Variants in CFAP61 observed in about 807,000 individuals in gnomAD.
CFAP61 encodes the protein cilia- and flagella-associated protein 61.
Under a neutral mutation model 135.6 loss-of-function variants are expected in CFAP61, and 107 were observed. That is an observed-to-expected ratio of 0.79 (90% CI 0.67 to 0.93). The LOEUF is 0.93. CFAP61 is among the 40% of genes least tolerant of loss of function. CFAP61 has a pLI of 0.00. For missense variants in CFAP61, 1,507 were observed against 1,556.2 expected (o/e 0.97, Z 0.53); for synonymous variants, 575 against 578.5 (o/e 0.99, Z 0.09).
intron 19 of CFAP61, among the ~76,000 whole-genome samples, chr20:20,248,549 G>C (rs1239730095): frequency 6.6e-6 from 1 of 152,218 alleles, no homozygotes; most frequent in Non-Finnish European, 1.5e-5. Flanking sequence ...GCAGCCGAAA[G>C]GAAGGCAGTG....
At chr20:20,266,791 C>T (rs2052776101) in intron 21 of CFAP61, among the ~76,000 whole-genome samples, 1 of 152,104 alleles carries the variant, frequency 6.6e-6, no homozygotes, top group Admixed American at 6.5e-5. Context: ...TCTGCCGTTT[C>T]CCTGGGCAAG....
At chr20:20,055,832 G>T in intron 1 of CFAP61, 1 of 764,802 alleles carries the variant, frequency 1.3e-6, no homozygotes, top group Non-Finnish European at 2.3e-6. Context: ...GAGCTCACTG[G>T]CTAGTATATA....
intron 9 of CFAP61, among the ~76,000 whole-genome samples, chr20:20,158,712 C>G (rs754652920): frequency 6.6e-6 from 1 of 152,128 alleles, no homozygotes; most frequent in African/African-American, 2.4e-5. Flanking sequence ...TGACAAAAAT[C>G]ATATCAGTAT....
chr20:20,131,176 T>C (rs2050497714), intron 8 of CFAP61, among the ~76,000 whole-genome samples: 1 of 151,750 alleles, frequency 6.6e-6, no homozygotes, highest in Non-Finnish European at 1.5e-5. Flanking sequence ...CATATTTGAG[T>C]TCTGGGATAT....
At chr20:20,258,761 C>T (rs1456687835) in intron 20 of CFAP61, among the ~76,000 whole-genome samples, 1 of 152,174 alleles carries the variant, frequency 6.6e-6, no homozygotes, top group Admixed American at 6.5e-5. Context: ...CGGGAGAGCA[C>T]CTGACTGCCG....
chr20:20,098,930 C>G lies in CFAP61; in HGVS notation c.859+116C>G, dbSNP rs529208097. 4.9e-4 allele frequency: 458 copies of G among 931,274 alleles called. 8 individuals are homozygous for G. In the South Asian group the frequency reaches 7.9e-3, roughly 16 times the overall value. The allele number at this position is 931,274 out of a possible 1,614,324, so 57.7% of individuals were successfully genotyped here. ...TGCTTTATATTTCCTTCCCCAGTTC[C>G]CCTTAAGGAGTAGTTCCCATGGTTG... On this transcript the variant is annotated intron_variant, in intron 8 of 26. Transcript: ENST00000245957.
intron 25 of CFAP61, among the ~76,000 whole-genome samples, chr20:20,307,697 T>C (rs1413888434): frequency 2.6e-5 from 4 of 152,378 alleles, no homozygotes; most frequent in African/African-American, 9.6e-5. Flanking sequence ...ATATTGAATA[T>C]GCTTGTTTTC....
chr20:20,163,752 T>C (rs2053594249), intron 10 of CFAP61, among the ~76,000 whole-genome samples: 1 of 152,232 alleles, frequency 6.6e-6, no homozygotes, highest in South Asian at 2.1e-4. Context: ...GGTGTTTGTC[T>C]TAATGCTCTC....
intron 26 of CFAP61, among the ~76,000 whole-genome samples, chr20:20,350,203 G>A (rs1602140130): frequency 6.6e-6 from 1 of 152,224 alleles, no homozygotes; most frequent in African/African-American, 2.4e-5. Context: ...TGAAGATATG[G>A]GGAAAATGGG....
intron 18 of CFAP61, among the ~76,000 whole-genome samples, chr20:20,232,209 A>G (rs1024743307): frequency 6.6e-6 from 1 of 151,346 alleles, no homozygotes; most frequent in Non-Finnish European, 1.5e-5. Context: ...CACGGTAGAA[A>G]CTCCACAAAC....
chr20:20,066,859 T>G (rs1020839257), intron 2 of CFAP61, among the ~76,000 whole-genome samples: 1 of 152,126 alleles, frequency 6.6e-6, no homozygotes, highest in African/African-American at 2.4e-5. Flanking sequence ...GCAGGAAAAC[T>G]AATATGATTT....
intron 13 of CFAP61, among the ~76,000 whole-genome samples, chr20:20,178,060 C>G (rs147021951): frequency 6.6e-6 from 1 of 152,274 alleles, no homozygotes; most frequent in African/African-American, 2.4e-5. Context: ...CATTCTTCTT[C>G]CCTTGGGAAA....
At chr20:20,061,672 G>A (rs1257757878) in intron 2 of CFAP61, among the ~76,000 whole-genome samples, 1 of 152,180 alleles carries the variant, frequency 6.6e-6, no homozygotes, top group Non-Finnish European at 1.5e-5. Flanking sequence ...AGATAAAAGT[G>A]AAAATCACAG....
intron 9 of CFAP61, among the ~76,000 whole-genome samples, chr20:20,150,572 C>T (rs1394223454): frequency 6.6e-6 from 1 of 152,222 alleles, no homozygotes; most frequent in Non-Finnish European, 1.5e-5. Flanking sequence ...CACATGACAG[C>T]TTCACTGCTA....
At position 20,277,276 on chromosome 20, in the gene CFAP61, T is replaced by G. The variant is rs759634953; in HGVS notation, c.2614T>G (p.Ser872Ala). 14 of 1,614,078 alleles carry G rather than the reference T, an allele frequency of 8.7e-6. No individual in the cohort carries two copies. The highest frequency in any genetic ancestry group is 8.5e-7 in the Non-Finnish European group (1 of 1,180,004). The change falls in exon 22 of 27, where the codon TCC (serine) becomes GCC (alanine). Residue 872 changes from serine to alanine, a missense_variant. Transcript: ENST00000245957. ...CCACCTCGTGCAGCCCCCGCCCGCC[T>G]CCACCATCACCTGCATCAACAACTA... ...RIHLVQPPPA[S>A]TITCINNYSV...
At chr20:20,244,635 T>A (rs766819142) in intron 18 of CFAP61, among the ~76,000 whole-genome samples, 5 of 152,244 alleles carry the variant, frequency 3.3e-5, no homozygotes, top group Non-Finnish European at 5.9e-5. Flanking sequence ...GGGGCTGCTG[T>A]CTCTGACATG....
chr20:20,320,076 G>A (rs1200444551), intron 25 of CFAP61, among the ~76,000 whole-genome samples: 2 of 151,622 alleles, frequency 1.3e-5, no homozygotes, highest in Admixed American at 1.3e-4. Flanking sequence ...GGGAAACTAT[G>A]TGACAAACAG....
At chr20:20,188,303 AT>A (rs1334429665) in intron 14 of CFAP61, among the ~76,000 whole-genome samples, 2 of 152,200 alleles carry the variant, frequency 1.3e-5, no homozygotes, top group Non-Finnish European at 2.9e-5. Flanking sequence ...AAGATAGAAA[AT>A]TTGGACTTGA....
At chr20:20,265,507 A>T in intron 21 of CFAP61, 2 of 779,622 alleles carry the variant, frequency 2.6e-6, no homozygotes, top group Non-Finnish European at 4.8e-6. Flanking sequence ...ATGTTTTTTC[A>T]AGATTTAAGA....
Sources: allele counts gnomAD v4.1 joint callset (sites outside exome capture counted in the v4.1 genomes callset), GRCh38; gene constraint gnomAD v4.1.1; transcripts MANE v1.5; gene names NCBI Gene and HGNC (gene_info 2026-07-23, HGNC 2026-07-21).